The following SYMPK variants were observed in gnomAD, a reference collection of about 807,000 sequenced individuals.
SYMPK encodes the protein symplekin.
A neutral mutation model predicts 136.4 loss-of-function variants in SYMPK; 49 were observed. That is an observed-to-expected ratio of 0.36 (90% confidence interval 0.29 to 0.46). The LOEUF (loss-of-function observed/expected upper bound fraction) is 0.46. Ranked by LOEUF, SYMPK falls within the 20% of genes least tolerant of loss-of-function variation. The probability of loss-of-function intolerance (pLI) is 1.00; values close to 1 mark genes in which losing one functional copy is unlikely to be tolerated. For synonymous variants in SYMPK, 766 were observed against 713.0 expected, an observed-to-expected ratio of 1.07 and a Z score of -1.19; for missense variants, 1,365 against 1,690.0, an observed-to-expected ratio of 0.81 and a Z score of 3.37.
At chr19:45,843,005 C>G (rs1971478811) in intron 8 of SYMPK, 1 of 155,390 alleles carries the variant, frequency 6.4e-6, no homozygotes, top group Non-Finnish European at 1.4e-5. Flanking sequence ...TTAAGGGAGA[C>G]CCCCCTTCTC....
chr19:45,838,983 T>C (rs945637300), intron 9 of SYMPK, among the ~76,000 whole-genome samples: 1 of 152,170 alleles, frequency 6.6e-6, no homozygotes, highest in Admixed American at 6.6e-5. Context: ...GCCTCCCAGG[T>C]TCAAGTGATT....
At chr19:45,859,451 T>C (rs946442875) in intron 1 of SYMPK, among the ~76,000 whole-genome samples, 2 of 150,446 alleles carry the variant, frequency 1.3e-5, no homozygotes, top group Admixed American at 6.6e-5. Context: ...TACAAAAAAA[T>C]TACTTGGGCA....
intron 13 of SYMPK, 69 bp from the exon 14 acceptor site, chr19:45,829,274 C>A: frequency 1.5e-6 from 2 of 1,340,756 alleles, no homozygotes; most frequent in Non-Finnish European, 1.0e-6. Context: ...TCGTGCCCTG[C>A]GACTTCTCCC....
chr19:45,846,839 G>A (rs960623919), intron 7 of SYMPK, among the ~76,000 whole-genome samples: 3 of 151,394 alleles, frequency 2.0e-5, no homozygotes, highest in African/African-American at 4.9e-5. Context: ...TGTCACCCAG[G>A]CTGGAGTGCA....
At chr19:45,831,249 C>T in intron 12 of SYMPK, 135 bp downstream of exon 12, 1 of 579,744 alleles carries the variant, frequency 1.7e-6, no homozygotes. Flanking sequence ...CAGAGAGAAC[C>T]TATTCCAGAC....
chr19:45,832,528 G>A (rs1971206076), intron 11 of SYMPK, among the ~76,000 whole-genome samples: 1 of 152,198 alleles, frequency 6.6e-6, no homozygotes, highest in African/African-American at 2.4e-5. Context: ...GACAGCATGT[G>A]TACATGAAGA....
In SYMPK at chr19:45,815,700, G is replaced by T. The variant is rs760995211; in HGVS notation, c.3688-3C>A. 1.2e-6 allele frequency: 2 copies of T among 1,609,386 alleles called. No individual in the cohort carries two copies. The highest frequency in any genetic ancestry group is 2.2e-5 in the East Asian group (1 of 44,724). ...GTCAGCCCGCCCGCTGCCGTCTCCTGGTGACCGGGGAAGGAAAGGGCAGCC... is the reference window on the plus strand; with the variant it reads ...GTCAGCCCGCCCGCTGCCGTCTCCTTGTGACCGGGGAAGGAAAGGGCAGCC... On this transcript the variant is annotated splice_polypyrimidine_tract_variant and splice_region_variant and intron_variant, in intron 26 of 26. Transcript: ENST00000245934.
chr19:45,841,602 A>AT (rs1305878692), intron 9 of SYMPK, among the ~76,000 whole-genome samples: 2 of 152,214 alleles, frequency 1.3e-5, no homozygotes, highest in African/African-American at 2.4e-5. Flanking sequence ...CTAATTCCTT[A>AT]TTTTTTAAAA....
intron 5 of SYMPK, among the ~76,000 whole-genome samples, chr19:45,851,273 C>T (rs1416669344): frequency 6.6e-6 from 1 of 152,134 alleles, no homozygotes; most frequent in African/African-American, 2.4e-5. Flanking sequence ...CTCACTTGTT[C>T]ACTTTAAAAT....
chr19:45,834,984 CA>C, intron 11 of SYMPK, 93 bp downstream of exon 11: 1 of 1,257,318 alleles, frequency 8.0e-7, no homozygotes, highest in Non-Finnish European at 1.1e-6. Flanking sequence ...ACATGATTTT[CA>C]ACTGCACCAC....
In SYMPK at chr19:45,827,853, T is replaced by C. The variant is rs1357659697; in HGVS notation, c.2051A>G (p.Lys684Arg). 1 of 1,613,996 alleles carries C rather than the reference T, an allele frequency of 6.2e-7. No homozygotes were observed. The highest frequency in any genetic ancestry group is 8.5e-7 in the Non-Finnish European group (1 of 1,180,006). Residue 684 changes from lysine (K) to arginine (R), a missense_variant, in exon 15 of 27, where the codon AAG becomes AGG. By Grantham distance (26) the Lys-to-Arg change is conservative. Transcript: ENST00000245934. ...ITESALEVVR[K>R]YCEDESRTYL... Reference sequence around the variant, plus strand: ...TGTCCTCACCTCATCCTCGCAGTACTTGCGGACCACCTCCAGGGCACTCTC... The same window carrying C: ...TGTCCTCACCTCATCCTCGCAGTACCTGCGGACCACCTCCAGGGCACTCTC...
In SYMPK at chr19:45,816,012, G is replaced by T. The variant is rs1433174725; in HGVS notation, c.3526C>A (p.Pro1176Thr). The change falls in exon 26 of 27, where the codon CCG becomes ACG. Residue 1176 changes from proline to threonine, a missense_variant. Coordinates refer to ENST00000245934, the MANE Select transcript of SYMPK (RefSeq NM_004819.3). Reference sequence around the variant, plus strand: ...GGGGGCGGGCCTGGCCGGGCCGACGGAGAGGGAGAGGGGGAGGAAGAGGAG... The same window carrying T: ...GGGGGCGGGCCTGGCCGGGCCGACGTAGAGGGAGAGGGGGAGGAAGAGGAG... ...APSSSSPSPS[P>T]SARPGPPPSE... The T allele has an allele frequency of 1.3e-6, 2 of 1,597,026 alleles. No individual in the cohort carries two copies. The highest frequency in any genetic ancestry group is 1.7e-6 in the Non-Finnish European group (2 of 1,172,160).
At chr19:45,856,531 C>T (rs1431900332) in intron 1 of SYMPK, among the ~76,000 whole-genome samples, 3 of 152,116 alleles carry the variant, frequency 2.0e-5, no homozygotes, top group African/African-American at 4.8e-5. Context: ...GGGATAGTAA[C>T]AGGGCTTACC....
chr19:45,855,560 A>G (rs1372731508), intron 1 of SYMPK: 1 of 152,188 alleles, frequency 6.6e-6, no homozygotes, highest in Admixed American at 6.5e-5. Flanking sequence ...AAGGAAAAAG[A>G]CTATGGAACT....
intron 10 of SYMPK, among the ~76,000 whole-genome samples, chr19:45,836,129 T>A (rs1249948136): frequency 6.6e-6 from 1 of 151,514 alleles, no homozygotes; most frequent in Non-Finnish European, 1.5e-5. Flanking sequence ...TCCCCCAGGC[T>A]GGAGTGCAGT....
At chr19:45,838,125 G>A (rs771304844) in intron 10 of SYMPK, among the ~76,000 whole-genome samples, 3 of 151,922 alleles carry the variant, frequency 2.0e-5, no homozygotes, top group African/African-American at 7.3e-5. Flanking sequence ...TCAGGATAGC[G>A]AGTTGTCACA....
chr19:45,845,339 C>T (rs1971534942), intron 7 of SYMPK, among the ~76,000 whole-genome samples: 1 of 152,096 alleles, frequency 6.6e-6, no homozygotes, highest in South Asian at 2.1e-4. Flanking sequence ...ATTCCCACTT[C>T]CTCCCCAACC....
At chr19:45,843,497 T>A (rs1310425614) in intron 8 of SYMPK, among the ~76,000 whole-genome samples, 1 of 152,154 alleles carries the variant, frequency 6.6e-6, no homozygotes, top group Non-Finnish European at 1.5e-5. Context: ...ACAGACATCA[T>A]GTCATTTCAC....
chr19:45,822,115 CTTTTTTTTTTTT>C (rs141894331), intron 21 of SYMPK, among the ~76,000 whole-genome samples: 1 of 86,124 alleles, frequency 1.2e-5, no homozygotes, highest in African/African-American at 4.6e-5. Context: ...AGTTTTGCTT[CTTTTTTTTTTTT>C]TTTTTTTTTG....
Sources: gnomAD v4.1 joint callset for allele counts (sites outside exome capture counted in the v4.1 genomes callset) on GRCh38, gnomAD v4.1.1 for gene constraint, MANE v1.5 for transcripts, NCBI Gene and HGNC (gene_info 2026-07-23, HGNC 2026-07-21) for gene names.